The following EIF4E3 variants were observed in gnomAD, a reference collection of about 807,000 sequenced individuals.
EIF4E3 encodes eukaryotic translation initiation factor 4E type 3.
EIF4E3 carries 26 observed loss-of-function variants against 31.7 expected under a neutral mutation model. The observed-to-expected ratio is 0.82, with a 90% CI of 0.60 to 1.14. EIF4E3 has a LOEUF of 1.14. EIF4E3 is among the 50% of genes most tolerant of loss of function. The probability of loss-of-function intolerance (pLI) is 0.00; values close to 1 mark genes in which losing one functional copy is unlikely to be tolerated. For synonymous variants in EIF4E3, 128 were observed against 107.7 expected (o/e 1.19, Z -1.17); for missense variants, 304 against 270.9 (o/e 1.12, Z -0.86).
At chr3:71,694,245 T>G (rs576142890) in intron 4 of EIF4E3, among the ~76,000 whole-genome samples, 4 of 152,242 alleles carry the variant, frequency 2.6e-5, no homozygotes, top group Non-Finnish European at 4.4e-5. Context: ...TCAAATGACT[T>G]AAAACTTTCA....
upstream of EIF4E3, among the ~76,000 whole-genome samples, chr3:71,727,419 T>C (rs2049653302): frequency 6.6e-6 from 1 of 152,230 alleles, no homozygotes; most frequent in African/African-American, 2.4e-5. Flanking sequence ...AACATATAGA[T>C]CTACTTTATC....
rs529572958 is a variant in EIF4E3 at position 71,676,104 on chromosome 3, G to A, written c.*8578C>T. 7 of 152,168 alleles carry A rather than the reference G, an allele frequency of 4.6e-5. No homozygotes were observed. In the East Asian group the frequency reaches 1.3e-3, roughly 29 times the overall value. 9.4% of individuals were successfully genotyped at this position (152,168 alleles called of 1,614,324 possible). ...GACAGAGCCACACACTACAGCAAAA[G>A]CACATTAAATTCTGCCCAGTTACTA... On this transcript the variant is annotated 3_prime_UTR_variant, in exon 7 of 7. Coordinates refer to ENST00000425534, the MANE Select transcript of EIF4E3 (RefSeq NM_001134651.2).
At chr3:71,694,582 T>C (rs1196220809) in intron 4 of EIF4E3, among the ~76,000 whole-genome samples, 1 of 152,194 alleles carries the variant, frequency 6.6e-6, no homozygotes, top group Non-Finnish European at 1.5e-5. Flanking sequence ...CTCCTCATGA[T>C]CTAATAGTGG....
At chr3:71,707,614 C>T (rs4677039) in intron 2 of EIF4E3, among the ~76,000 whole-genome samples, 39,618 of 151,828 alleles carry the variant, frequency 0.26, 6,093 homozygotes, top group Middle Eastern at 0.39. Context: ...TTTCACTGTT[C>T]CCCCCTTAGG....
chr3:71,692,841 C>A (rs2049082298), intron 5 of EIF4E3, among the ~76,000 whole-genome samples: 1 of 152,156 alleles, frequency 6.6e-6, no homozygotes, highest in African/African-American at 2.4e-5. Flanking sequence ...GTGATCCTCC[C>A]ATCTTGGCCT....
chr3:71,752,937 T>A (rs1029320132), intron 1 of EIF4E3, among the ~76,000 whole-genome samples: 1 of 152,054 alleles, frequency 6.6e-6, no homozygotes, highest in Middle Eastern at 3.2e-3. Flanking sequence ...AAAATAGATA[T>A]CCTGGGAGGA....
rs2048942499 is a variant in EIF4E3 at position 71,683,043 on chromosome 3, T to C, written c.*1639A>G. ...GTCCTAGGCTTTTGCTAACTGGATC[T>C]GATATTCTTATACTTCATTTTGAAA... On this transcript the variant is annotated 3_prime_UTR_variant, in exon 7 of 7. Transcript: ENST00000425534. 1 of 152,150 alleles carries C rather than the reference T, an allele frequency of 6.6e-6. No homozygotes were observed. The highest frequency in any genetic ancestry group is 1.5e-5 in the Non-Finnish European group (1 of 68,036). The allele number at this position is 152,150 out of a possible 1,614,324, so 9.4% of individuals were successfully genotyped here. A position where few individuals can be genotyped will look rare whatever the true frequency, so the allele number is the denominator to read the frequency against.
chr3:71,726,321 G>A (rs2049638742), upstream of EIF4E3, among the ~76,000 whole-genome samples: 1 of 152,220 alleles, frequency 6.6e-6, no homozygotes, highest in Non-Finnish European at 1.5e-5. Context: ...TCTGCTTCCT[G>A]TACCTCTGAG....
At chr3:71,688,583 G>A (rs1335060110) in intron 6 of EIF4E3, among the ~76,000 whole-genome samples, 1 of 152,162 alleles carries the variant, frequency 6.6e-6, no homozygotes, top group Non-Finnish European at 1.5e-5. Context: ...AGTCAAGTGT[G>A]GAGCTGGTTC....
At chr3:71,732,241 A>C (rs1478007764) in intron 1 of EIF4E3, among the ~76,000 whole-genome samples, 2 of 152,150 alleles carry the variant, frequency 1.3e-5, no homozygotes, top group East Asian at 3.8e-4. Context: ...CTGACCATCT[A>C]AATTGTCTAA....
At chr3:71,705,326 C>G (rs977661309) in intron 2 of EIF4E3, among the ~76,000 whole-genome samples, 8 of 152,224 alleles carry the variant, frequency 5.3e-5, no homozygotes, top group African/African-American at 1.9e-4. Context: ...AACTGCACAA[C>G]TCCAGTCAGG....
intron 1 of EIF4E3, among the ~76,000 whole-genome samples, chr3:71,742,464 A>G (rs907972663): frequency 6.6e-6 from 1 of 152,192 alleles, no homozygotes; most frequent in Non-Finnish European, 1.5e-5. Context: ...ACAGCCATAT[A>G]TCTATAAAAG....
At chr3:71,701,964 G>T (rs1258231143) in intron 2 of EIF4E3, among the ~76,000 whole-genome samples, 1 of 152,120 alleles carries the variant, frequency 6.6e-6, no homozygotes, top group Non-Finnish European at 1.5e-5. Context: ...TTTGCTATTT[G>T]TACAAATAAG....
intron 6 of EIF4E3, 30 bp from the exon 7 acceptor site, chr3:71,684,758 A>G: frequency 6.2e-7 from 1 of 1,611,664 alleles, no homozygotes; most frequent in Non-Finnish European, 8.5e-7. Flanking sequence ...CAAAAAAGAA[A>G]AAAAGGAAAG....
At chr3:71,709,432 T>C (rs2049343356) in intron 2 of EIF4E3, among the ~76,000 whole-genome samples, 1 of 152,118 alleles carries the variant, frequency 6.6e-6, no homozygotes. Context: ...CAGGCTGGAG[T>C]GCAGTAGTGT....
At chr3:71,734,013 A>G (rs1011434925) in intron 1 of EIF4E3, among the ~76,000 whole-genome samples, 2 of 152,222 alleles carry the variant, frequency 1.3e-5, no homozygotes, top group African/African-American at 4.8e-5. Context: ...CTTTTGTTTT[A>G]CCATCAGCAG....
upstream of EIF4E3, among the ~76,000 whole-genome samples, chr3:71,725,682 G>C (rs1302222949): frequency 6.6e-6 from 1 of 151,908 alleles, no homozygotes; most frequent in African/African-American, 2.4e-5. The surrounding 1 kb of genome is among the most constrained non-coding windows in gnomAD (Gnocchi z 6.1). Flanking sequence ...GGACGGGCTA[G>C]AGGGCCCACG....
At chr3:71,744,542 T>C (rs1262167121) in intron 1 of EIF4E3, among the ~76,000 whole-genome samples, 2 of 152,150 alleles carry the variant, frequency 1.3e-5, no homozygotes, top group African/African-American at 4.8e-5. Flanking sequence ...GTCAGGAGTT[T>C]GAGACCAGCC....
At chr3:71,708,980 C>A (rs930511527) in intron 2 of EIF4E3, among the ~76,000 whole-genome samples, 1 of 152,140 alleles carries the variant, frequency 6.6e-6, no homozygotes, top group Non-Finnish European at 1.5e-5. Flanking sequence ...GTCTTCACAC[C>A]CAGCTCACTG....
Sources: gnomAD v4.1 joint callset for allele counts (sites outside exome capture counted in the v4.1 genomes callset) on GRCh38, gnomAD v4.1.1 for gene constraint, Gnocchi (gnomAD v3.1) non-coding constraint, MANE v1.5 for transcripts, NCBI Gene and HGNC (gene_info 2026-07-23, HGNC 2026-07-21) for gene names.